The following USP9X variants were observed in gnomAD, a reference collection of about 807,000 sequenced individuals.
The protein encoded by USP9X is ubiquitin specific peptidase 9 X-linked.
In USP9X, 7 loss-of-function variants were observed where a neutral mutation model predicts 190.3. The ratio of observed to expected loss-of-function variants is 0.04; its 90% CI spans 0.02 to 0.07. USP9X has a LOEUF of 0.07. USP9X is among the 10% of genes least tolerant of loss of function. USP9X has a pLI of 1.00. For missense variants in USP9X, 1,010 were observed against 1,916.9 expected, an observed-to-expected ratio of 0.53 and a Z score of 8.83; for synonymous variants, 645 against 659.5, an observed-to-expected ratio of 0.98 and a Z score of 0.34.
At chrX:41,222,911 AAAAG>A (rs1407892496) in intron 38 of USP9X, among the ~76,000 whole-genome samples, 13 of 111,680 alleles carry the variant, frequency 1.2e-4, no homozygotes, top group Admixed American at 2.9e-4. Flanking sequence ...ACTGTCTCAA[AAAAG>A]AAAGAAAGTG....
chrX:41,163,488 A>G (rs1252086980), intron 15 of USP9X, among the ~76,000 whole-genome samples: 2 of 111,204 alleles, frequency 1.8e-5, no homozygotes, highest in Non-Finnish European at 3.8e-5. Context: ...ACGGTGGCTC[A>G]CACCTGTAAT....
In USP9X at chrX:41,184,138, T is replaced by TG. The variant is rs747121644; in HGVS notation, c.3279+14dup. ...GCTATATCTAACAGAGGTTAGTTTTTGGGGTTTTTTGTTGTTGTTGTTTTC... is the reference window on the plus strand; with the variant it reads ...GCTATATCTAACAGAGGTTAGTTTTTGGGGGTTTTTTGTTGTTGTTGTTTTC... On this transcript the variant is annotated intron_variant, in intron 22 of 44. Coordinates refer to ENST00000378308, the MANE Select transcript of USP9X (RefSeq NM_001039591.3). 164 of 1,181,680 alleles carry TG rather than the reference T, an allele frequency of 1.4e-4. No homozygotes were observed. Among genetic ancestry groups the TG allele is most frequent in the Non-Finnish European group, 1.1e-4 (101 of 884,390 alleles).
Position 41,197,352 on chromosome X carries a change from C to CCCCCCGGGGGCGGG in USP9X, c.4234-12_4234-11insCCCCCGGGGGCGGG. On this transcript the variant is annotated splice_polypyrimidine_tract_variant and intron_variant, in intron 28 of 44. Coordinates refer to ENST00000378308, the MANE Select transcript of USP9X (RefSeq NM_001039591.3). ...TTCTTCCCCCCCCCACCCCACCCCC[C>CCCCCCGGGGGCGGG]GCCTTTGGCAGGATGATGTTAAAAG... 2.0e-6 allele frequency: 2 copies of CCCCCCGGGGGCGGG among 988,227 alleles called. No individual in the cohort carries two copies. Among genetic ancestry groups the CCCCCCGGGGGCGGG allele is most frequent in the Non-Finnish European group, 2.6e-6 (2 of 759,394 alleles). 81.4% of individuals were successfully genotyped at this position (988,227 alleles called of 1,213,427 possible).
chrX:41,228,066 T>C (rs2063330215), intron 41 of USP9X, among the ~76,000 whole-genome samples: 1 of 110,874 alleles, frequency 9.0e-6, no homozygotes, highest in Non-Finnish European at 1.9e-5. Context: ...TCACCATTCC[T>C]TCTAACCCTG....
chrX:41,199,598 A>G (rs1274596277), intron 30 of USP9X, among the ~76,000 whole-genome samples: 2 of 110,027 alleles, frequency 1.8e-5, no homozygotes, highest in Non-Finnish European at 3.8e-5. Context: ...CCTGGCTAAT[A>G]TTGTATTTTT....
At chrX:41,098,371 C>G (rs12855480) in intron 1 of USP9X, among the ~76,000 whole-genome samples, 1 of 108,881 alleles carries the variant, frequency 9.2e-6, no homozygotes, top group Admixed American at 9.8e-5. Flanking sequence ...AACTGCTGAC[C>G]TCAAGTGATC....
At chrX:41,126,108 C>T (rs1298609418) in intron 2 of USP9X, among the ~76,000 whole-genome samples, 1 of 111,681 alleles carries the variant, frequency 9.0e-6, no homozygotes, top group African/African-American at 3.3e-5. Context: ...GATATTCTAT[C>T]GTAAGTAGTA....
In USP9X at chrX:41,136,940, G is replaced by A; in HGVS notation, c.572G>A (p.Arg191His). The A allele has an allele frequency of 2.5e-6, 3 of 1,211,268 alleles. No individual in the cohort carries two copies. The highest frequency in any genetic ancestry group is 3.4e-6 in the Non-Finnish European group (3 of 895,186). The change falls in exon 6 of 45, where the codon CGT (arginine) becomes CAT (histidine). Residue 191 changes from arginine to histidine, a missense_variant. Physicochemically the swap from Arg to His is conservative, Grantham distance 29 (BLOSUM62 0). Coordinates refer to ENST00000378308, the MANE Select transcript of USP9X (RefSeq NM_001039591.3). Reference sequence around the variant, plus strand: ...AAATTCCATATCTACAATGGTACACGTCCATGTGAATCAGTTTCCTCAAGT... The same window carrying A: ...AAATTCCATATCTACAATGGTACACATCCATGTGAATCAGTTTCCTCAAGT... ...HCKFHIYNGT[R>H]PCESVSSSVQ...
chrX:41,171,987 C>T (rs1182368396), intron 21 of USP9X, 29 bp downstream of exon 21: 5 of 1,205,765 alleles, frequency 4.1e-6, no homozygotes, highest in Non-Finnish European at 5.6e-6. Flanking sequence ...TGATCAAGTA[C>T]TTGCTGGACA....
At chrX:41,176,744 C>T (rs746466052) in intron 21 of USP9X, among the ~76,000 whole-genome samples, 21 of 112,222 alleles carry the variant, frequency 1.9e-4, no homozygotes, top group African/African-American at 6.8e-4. Context: ...GCTACTGTTG[C>T]CTGGAAGAAA....
At chrX:41,225,915 AG>A (rs987423144) in intron 41 of USP9X, among the ~76,000 whole-genome samples, 1 of 112,524 alleles carries the variant, frequency 8.9e-6, no homozygotes, top group African/African-American at 3.2e-5. Flanking sequence ...AACCAGCAAA[AG>A]CACAAATATG....
chrX:41,232,354 G>C, intron 44 of USP9X, 33 bp from the exon 45 acceptor site: 1 of 1,192,147 alleles, frequency 8.4e-7, no homozygotes, highest in Non-Finnish European at 1.1e-6. Context: ...TATGTGAAAA[G>C]TTTTAACATA....
At chrX:41,101,692 AAAT>A (rs2062035867) in intron 1 of USP9X, among the ~76,000 whole-genome samples, 1 of 111,189 alleles carries the variant, frequency 9.0e-6, no homozygotes, top group African/African-American at 3.2e-5. Flanking sequence ...TAAAAAAAAT[AAAT>A]AAATAATGAC....
Position 41,189,241 on chromosome X carries a change from C to T in USP9X, c.3811-68C>T, listed in dbSNP as rs1326063104. ...TGAGCAGATGAGTTTTAAGCACTAA[C>T]TAGAAGTTGTGTGAGATTTTTCTTA... On this transcript the variant is annotated intron_variant, in intron 25 of 44. Coordinates refer to ENST00000378308, the MANE Select transcript of USP9X (RefSeq NM_001039591.3). 7 of 1,108,976 alleles carry T rather than the reference C, an allele frequency of 6.3e-6. No individual in the cohort carries two copies. In the African/African-American group the frequency reaches 9.0e-5, roughly 14 times the overall value. The allele number at this position is 1,108,976 out of a possible 1,213,427, so 91.4% of individuals were successfully genotyped here. A position where few individuals can be genotyped will look rare whatever the true frequency, so the allele number is the denominator to read the frequency against.
At chrX:41,182,462 A>G (rs2062836157) in intron 21 of USP9X, among the ~76,000 whole-genome samples, 1 of 108,943 alleles carries the variant, frequency 9.2e-6, no homozygotes, top group South Asian at 4.0e-4. Flanking sequence ...TCCTTCACTC[A>G]GAATATTTTT....
chrX:41,206,489 G>A (rs1181174182), intron 32 of USP9X, among the ~76,000 whole-genome samples: 1 of 111,116 alleles, frequency 9.0e-6, no homozygotes, highest in African/African-American at 3.3e-5. Context: ...GGGGGAATCG[G>A]AGGACAAATA....
intron 1 of USP9X, among the ~76,000 whole-genome samples, chrX:41,109,685 A>G (rs1468899063): frequency 8.9e-6 from 1 of 112,145 alleles, no homozygotes; most frequent in Non-Finnish European, 1.9e-5. Flanking sequence ...TGAATTTAAC[A>G]AAGATTAATT....
chrX:41,122,822 G>A (rs1437867743), intron 1 of USP9X, among the ~76,000 whole-genome samples: 1 of 111,327 alleles, frequency 9.0e-6, no homozygotes, highest in Non-Finnish European at 1.9e-5. Flanking sequence ...CTGGAGAGGG[G>A]ATGGAGTGGG....
chrX:41,211,848 G>GC (rs1178764092), intron 33 of USP9X, among the ~76,000 whole-genome samples: 43 of 103,161 alleles, frequency 4.2e-4, no homozygotes, highest in African/African-American at 1.5e-3. Context: ...GGGGGGGTCA[G>GC]CCCCCCGCCC....
Sources: allele counts gnomAD v4.1 joint callset (sites outside exome capture counted in the v4.1 genomes callset), GRCh38; gene constraint gnomAD v4.1.1; transcripts MANE v1.5; gene names NCBI Gene and HGNC (gene_info 2026-07-23, HGNC 2026-07-21).